The following DAB1 variants were observed in gnomAD, a reference collection of about 807,000 sequenced individuals.
DAB1 encodes DAB adaptor protein 1.
DAB1 carries 15 observed loss-of-function variants against 64.6 expected under a neutral mutation model. The ratio of observed to expected loss-of-function variants is 0.23; its 90% CI spans 0.16 to 0.36. The LOEUF (loss-of-function observed/expected upper bound fraction) is 0.36, where lower values mean the gene tolerates loss of function less well. Ranked by LOEUF, DAB1 falls within the 10% of genes least tolerant of loss-of-function variation. The pLI, the probability that DAB1 is intolerant of heterozygous loss-of-function variation, is 1.00. For synonymous variants in DAB1, 235 were observed against 251.9 expected, an observed-to-expected ratio of 0.93 and a Z score of 0.64; for missense variants, 596 against 706.7, an observed-to-expected ratio of 0.84 and a Z score of 1.78.
chr1:58,050,240 G>A (rs763732979), intron 5 of DAB1, among the ~76,000 whole-genome samples: 2 of 152,166 alleles, frequency 1.3e-5, no homozygotes, highest in Admixed American at 6.5e-5. Flanking sequence ...ACAGGCTCTC[G>A]TGAGCCTATA....
intron 3 of DAB1, among the ~76,000 whole-genome samples, chr1:58,422,835 C>T (rs1014663956): frequency 4.6e-5 from 7 of 152,114 alleles, no homozygotes; most frequent in African/African-American, 1.7e-4. Flanking sequence ...AAAAATCAAG[C>T]CTCTGCAACT....
intron 7 of DAB1, among the ~76,000 whole-genome samples, chr1:57,474,846 G>A (rs993187323): frequency 6.6e-6 from 1 of 152,130 alleles, no homozygotes; most frequent in Admixed American, 6.5e-5. Flanking sequence ...GATGTCAAGT[G>A]CTCTAAAAAA....
chr1:57,434,985 T>C (rs1685636858), intron 7 of DAB1, among the ~76,000 whole-genome samples: 1 of 151,974 alleles, frequency 6.6e-6, no homozygotes, highest in Admixed American at 6.6e-5. Context: ...ATAAACATTT[T>C]ATATGCAGGC....
chr1:57,265,607 A>G (rs1423604114), intron 2 of DAB1, among the ~76,000 whole-genome samples: 1 of 152,216 alleles, frequency 6.6e-6, no homozygotes, highest in Non-Finnish European at 1.5e-5. Flanking sequence ...GTCAGTAACA[A>G]AGACATTCCC....
chr1:57,620,337 T>C lies in DAB1; in HGVS notation n.625+29255A>G, dbSNP rs1229491876. Among the ~76,000 whole-genome samples, 4 of 152,182 alleles carry C rather than the reference T, an allele frequency of 2.6e-5. No individual in the cohort carries two copies. In the East Asian group the frequency reaches 7.7e-4, roughly 29 times the overall value. ...TATGGGGTGATGGGGAAGATTCCTT[T>C]ACTCAACCAATGTTTACAGGGTTAA... On this transcript the variant is annotated intron_variant and non_coding_transcript_variant, in intron 7 of 20. Coordinates refer to the DAB1 transcript ENST00000485760.
intron 7 of DAB1, among the ~76,000 whole-genome samples, chr1:57,495,439 G>A (rs773520303): frequency 2.0e-5 from 3 of 152,118 alleles, no homozygotes; most frequent in Non-Finnish European, 2.9e-5. Context: ...GATGAATTAC[G>A]GTGTAATCTT....
intron 4 of DAB1, among the ~76,000 whole-genome samples, chr1:57,091,288 G>C (rs1036565382): frequency 4.6e-5 from 7 of 151,752 alleles, no homozygotes; most frequent in Non-Finnish European, 8.8e-5. Flanking sequence ...TTCCTGTTTT[G>C]ATTTAAAAAA....
Position 58,444,344 on chromosome 1 carries a change from A to G in DAB1, n.257+61716T>C, listed in dbSNP as rs146881102. On this transcript the variant is annotated intron_variant and non_coding_transcript_variant, in intron 3 of 20. Coordinates refer to the DAB1 transcript ENST00000485760. ...CATATAATCCTCACATCAACGGTAT[A>G]AGGTAGGAATTCTCCCTTATAGAGA... Among the ~76,000 whole-genome samples the G allele has an allele frequency of 1.5e-3, 222 of 152,386 alleles. 1 individual carries two copies. The highest frequency in any genetic ancestry group is 5.2e-3 in the African/African-American group (215 of 41,592).
Position 57,600,802 on chromosome 1 carries a change from C to G in DAB1, n.625+48790G>C, listed in dbSNP as rs113066123. Among the ~76,000 whole-genome samples the G allele has an allele frequency of 4.2e-3, 638 of 152,276 alleles. 5 individuals are homozygous for G. Among genetic ancestry groups the G allele is most frequent in the African/African-American group, 0.014 (597 of 41,560 alleles). ...AAAATGAGATGGGAGCTCTGGCATTCAAGTATAAAACAAACTTTTTAATAT... is the reference window on the plus strand; with the variant it reads ...AAAATGAGATGGGAGCTCTGGCATTGAAGTATAAAACAAACTTTTTAATAT... On this transcript the variant is annotated intron_variant and non_coding_transcript_variant, in intron 7 of 20. Transcript: ENST00000485760.
chr1:57,806,021 G>T (rs1489935747), intron 6 of DAB1, among the ~76,000 whole-genome samples: 1 of 152,164 alleles, frequency 6.6e-6, no homozygotes, highest in Non-Finnish European at 1.5e-5. Context: ...GAAGACAAGT[G>T]ATGTCATTCC....
At chr1:57,077,349 A>G (rs1421455362) in intron 4 of DAB1, among the ~76,000 whole-genome samples, 3 of 152,158 alleles carry the variant, frequency 2.0e-5, no homozygotes, top group African/African-American at 2.4e-5. Context: ...CTAATACTGC[A>G]CCTTCTGAAC....
chr1:57,614,664 T>A (rs1204528212), intron 7 of DAB1, among the ~76,000 whole-genome samples: 1 of 152,148 alleles, frequency 6.6e-6, no homozygotes, highest in Non-Finnish European at 1.5e-5. Flanking sequence ...TTCACATCCT[T>A]GCTTGGAAAA....
At position 57,383,934 on chromosome 1, in the gene DAB1, A is replaced by G. The variant is rs1325957300; in HGVS notation, c.-137+39996T>C. Among the ~76,000 whole-genome samples the G allele has an allele frequency of 3.9e-5, 6 of 152,368 alleles. No individual in the cohort carries two copies. The Middle Eastern group carries it at 0.01, about 259-fold the overall frequency. ...CACTATATCAAAATTTAAAACATCT[A>G]TGCATCAAAGGACATGATCAAAAGA... is the stretch of plus-strand genomic sequence containing the variant. On this transcript the variant is annotated intron_variant, in intron 1 of 14. Coordinates refer to ENST00000371236, the MANE Select transcript of DAB1 (RefSeq NM_001365792.1).
At chr1:58,539,412 CAT>C in intron 1 of DAB1, 1 of 635,652 alleles carries the variant, frequency 1.6e-6, no homozygotes, top group South Asian at 2.0e-5. Context: ...TCTTCTAACA[CAT>C]CTCAGGCTAA....
Position 57,771,924 on chromosome 1 carries a change from T to C in DAB1, n.551+112075A>G, listed in dbSNP as rs533625950. Among the ~76,000 whole-genome samples the C allele has an allele frequency of 3.3e-4, 50 of 152,214 alleles. No homozygotes were observed. The South Asian group carries it at 5.4e-3, about 16-fold the overall frequency. On this transcript the variant is annotated intron_variant and non_coding_transcript_variant, in intron 6 of 20. Coordinates refer to the DAB1 transcript ENST00000485760. Reference sequence around the variant, plus strand: ...TGAGGTTCATCCAAGTCATTGGAGGTATTAATACTTTATTTCTTTTTATTA... The same window carrying C: ...TGAGGTTCATCCAAGTCATTGGAGGCATTAATACTTTATTTCTTTTTATTA...
At chr1:57,213,856 GTCT>G (rs1219291816) in intron 2 of DAB1, among the ~76,000 whole-genome samples, 2 of 151,758 alleles carry the variant, frequency 1.3e-5, no homozygotes, top group Admixed American at 1.3e-4. Flanking sequence ...TCTCTCTCTG[GTCT>G]TCTTTCCCTA....
chr1:58,455,523 C>T (rs970412629), intron 3 of DAB1, among the ~76,000 whole-genome samples: 1 of 152,208 alleles, frequency 6.6e-6, no homozygotes, highest in Non-Finnish European at 1.5e-5. Flanking sequence ...AGGGGTGAGG[C>T]GGTGCAGTTT....
At chr1:57,413,069 G>A (rs952510560) in intron 1 of DAB1, among the ~76,000 whole-genome samples, 6 of 152,086 alleles carry the variant, frequency 3.9e-5, no homozygotes, top group African/African-American at 9.7e-5. Context: ...AGAATTATAC[G>A]AAATCTACTC....
chr1:58,022,018 C>T (rs991377284), intron 5 of DAB1, among the ~76,000 whole-genome samples: 3 of 152,156 alleles, frequency 2.0e-5, no homozygotes, highest in African/African-American at 7.2e-5. Flanking sequence ...TGGCAGAAGG[C>T]CTCATCTTGA....
Sources: gnomAD v4.1 joint callset for allele counts (sites outside exome capture counted in the v4.1 genomes callset) on GRCh38, gnomAD v4.1.1 for gene constraint, MANE v1.5 for transcripts, NCBI Gene and HGNC (gene_info 2026-07-23, HGNC 2026-07-21) for gene names.